The following ARFIP1 variants were observed in gnomAD, a reference collection of about 807,000 sequenced individuals.
The protein encoded by ARFIP1 is arfaptin-1.
ARFIP1 carries 24 observed loss-of-function variants against 42.5 expected under a neutral mutation model. The observed-to-expected ratio is 0.57, with a 90% confidence interval of 0.41 to 0.80. ARFIP1 has a LOEUF of 0.80. Among genes scored for constraint, ARFIP1 ranks in the 30% least tolerant of loss-of-function variants. ARFIP1 has a pLI of 0.00. For synonymous variants in ARFIP1, 141 were observed against 153.7 expected, an observed-to-expected ratio of 0.92 and a Z score of 0.61; for missense variants, 354 against 434.0, an observed-to-expected ratio of 0.82 and a Z score of 1.64.
intron 1 of ARFIP1, among the ~76,000 whole-genome samples, chr4:152,813,581 T>C (rs887342978): frequency 2.6e-5 from 4 of 152,252 alleles, no homozygotes; most frequent in African/African-American, 7.2e-5. Flanking sequence ...ATTATACTTT[T>C]AGTGGTTGCC....
Position 152,877,978 on chromosome 4 carries a change from G to A in ARFIP1, c.412-2985G>A, listed in dbSNP as rs2149889326. On this transcript the variant is annotated intron_variant, in intron 5 of 8. Coordinates refer to ENST00000353617, the MANE Select transcript of ARFIP1 (RefSeq NM_001025595.3). ...CCCAGTCTCAGGTATGTCTTTATCA[G>A]CAGCATGAAAATGGACTAATACACT... is the stretch of plus-strand genomic sequence containing the variant. Among the ~76,000 whole-genome samples, 3 of 152,258 alleles carry A rather than the reference G, an allele frequency of 2.0e-5. No individual in the cohort carries two copies. In the South Asian group the frequency reaches 6.2e-4, roughly 32 times the overall value.
chr4:152,819,290 A>G (rs150504886), intron 1 of ARFIP1, among the ~76,000 whole-genome samples: 5 of 152,314 alleles, frequency 3.3e-5, no homozygotes, highest in Non-Finnish European at 7.3e-5. Flanking sequence ...AACTATTGCC[A>G]TCGCCTGCAT....
intron 1 of ARFIP1, among the ~76,000 whole-genome samples, chr4:152,812,067 G>GT (rs1383226574): frequency 2.6e-5 from 4 of 152,146 alleles, no homozygotes; most frequent in Non-Finnish European, 5.9e-5. Context: ...CAGAACATCG[G>GT]TTTTTTATTT....
At chr4:152,860,847 T>C (rs1310133488) in intron 2 of ARFIP1, among the ~76,000 whole-genome samples, 2 of 152,216 alleles carry the variant, frequency 1.3e-5, no homozygotes, top group Admixed American at 6.5e-5. Flanking sequence ...AAGATACTTA[T>C]GACAGGGTAG....
At chr4:152,895,894 G>C (rs949140604) in intron 8 of ARFIP1, among the ~76,000 whole-genome samples, 6 of 152,112 alleles carry the variant, frequency 3.9e-5, no homozygotes, top group African/African-American at 7.2e-5. Context: ...CAGTCACTGA[G>C]TTAGGTGATA....
At chr4:152,892,475 C>T (rs917538723) in intron 8 of ARFIP1, among the ~76,000 whole-genome samples, 1 of 152,162 alleles carries the variant, frequency 6.6e-6, no homozygotes, top group African/African-American at 2.4e-5. Flanking sequence ...GAGTATGGGA[C>T]TAAAAGCCAG....
At chr4:152,814,065 GTTC>G (rs1005812243) in intron 1 of ARFIP1, among the ~76,000 whole-genome samples, 39 of 144,124 alleles carry the variant, frequency 2.7e-4, no homozygotes, top group African/African-American at 8.9e-4. Flanking sequence ...TTTTTCTTTT[GTTC>G]TTCTTCTTCT....
intron 8 of ARFIP1, among the ~76,000 whole-genome samples, chr4:152,903,863 A>G (rs758626592): frequency 6.6e-6 from 1 of 151,946 alleles, no homozygotes; most frequent in Non-Finnish European, 1.5e-5. Flanking sequence ...AAACAAACTG[A>G]CTTATATTGA....
intron 3 of ARFIP1, among the ~76,000 whole-genome samples, chr4:152,866,044 A>G (rs1734301733): frequency 6.6e-6 from 1 of 151,918 alleles, no homozygotes; most frequent in Admixed American, 6.6e-5. Flanking sequence ...GTCCCTGGGT[A>G]CTTGAGATTA....
intron 3 of ARFIP1, among the ~76,000 whole-genome samples, chr4:152,866,156 G>A (rs987383621): frequency 6.6e-6 from 1 of 152,158 alleles, no homozygotes; most frequent in African/African-American, 2.4e-5. Context: ...AGTGGACACA[G>A]CACATGTTTC....
chr4:152,887,147 A>AAT (rs1736328079), intron 7 of ARFIP1, among the ~76,000 whole-genome samples: 1 of 151,964 alleles, frequency 6.6e-6, no homozygotes, highest in Admixed American at 6.6e-5. Context: ...CTGAGTACCG[A>AAT]ATAGTTGAAG....
At chr4:152,890,690 C>T (rs1579020077) in intron 8 of ARFIP1, among the ~76,000 whole-genome samples, 1 of 152,036 alleles carries the variant, frequency 6.6e-6, no homozygotes, top group East Asian at 1.9e-4. Context: ...TCTGTTTGAT[C>T]CAGTGTTTAG....
At chr4:152,891,222 C>T (rs936657421) in intron 8 of ARFIP1, among the ~76,000 whole-genome samples, 4 of 152,238 alleles carry the variant, frequency 2.6e-5, no homozygotes, top group Admixed American at 2.0e-4. Flanking sequence ...GGGACACAAA[C>T]ATTCAGACTG....
intron 5 of ARFIP1, among the ~76,000 whole-genome samples, chr4:152,879,403 C>A (rs1196693775): frequency 6.6e-6 from 1 of 152,030 alleles, no homozygotes; most frequent in Non-Finnish European, 1.5e-5. Flanking sequence ...GTCTAGTATA[C>A]CTATCAGACT....
chr4:152,793,818 C>T (rs949307065), intron 1 of ARFIP1, among the ~76,000 whole-genome samples: 1 of 152,146 alleles, frequency 6.6e-6, no homozygotes, highest in East Asian at 1.9e-4. Flanking sequence ...TTTATACAGG[C>T]GGTCAAATGA....
At chr4:152,784,888 A>G (rs1199431762) in intron 1 of ARFIP1, among the ~76,000 whole-genome samples, 1 of 152,222 alleles carries the variant, frequency 6.6e-6, no homozygotes, top group Non-Finnish European at 1.5e-5. Context: ...CAGCTCCTTG[A>G]TGTTGAAGCT....
chr4:152,814,259 GT>G (rs1221380397), intron 1 of ARFIP1, among the ~76,000 whole-genome samples: 1 of 151,770 alleles, frequency 6.6e-6, no homozygotes, highest in Non-Finnish European at 1.5e-5. Context: ...CCTAGCTAAT[GT>G]TTTTTGTATT....
At chr4:152,855,766 A>G (rs577460017) in intron 2 of ARFIP1, among the ~76,000 whole-genome samples, 7 of 152,330 alleles carry the variant, frequency 4.6e-5, no homozygotes, top group African/African-American at 1.7e-4. Context: ...ATGAGGGTCC[A>G]GGGGCTCTCC....
At chr4:152,891,886 T>TC (rs1736888726) in intron 8 of ARFIP1, among the ~76,000 whole-genome samples, 2 of 152,012 alleles carry the variant, frequency 1.3e-5, no homozygotes, top group Admixed American at 1.3e-4. Context: ...TTTTTTTTTT[T>TC]CTAGTAGAAA....
Sources: allele counts gnomAD v4.1 joint callset (sites outside exome capture counted in the v4.1 genomes callset), GRCh38; gene constraint gnomAD v4.1.1; transcripts MANE v1.5; gene names NCBI Gene and HGNC (gene_info 2026-07-23, HGNC 2026-07-21).